The following FHOD3 variants were observed in gnomAD, a reference collection of about 807,000 sequenced individuals.
The protein encoded by FHOD3 is FH1/FH2 domain-containing protein 3.
FHOD3 carries 90 observed loss-of-function variants against 173.0 expected under a neutral mutation model. The ratio of observed to expected loss-of-function variants is 0.52; its 90% CI spans 0.44 to 0.62. The LOEUF is 0.62. Ranked by LOEUF, FHOD3 falls within the 20% of genes least tolerant of loss-of-function variation. FHOD3 has a pLI of 0.00. For synonymous variants in FHOD3, 828 were observed against 823.0 expected, an observed-to-expected ratio of 1.01 and a Z score of -0.10; for missense variants, 1,945 against 2,034.7, an observed-to-expected ratio of 0.96 and a Z score of 0.85.
chr18:36,749,761 G>T (rs893519642), intron 24 of FHOD3, among the ~76,000 whole-genome samples: 1 of 152,184 alleles, frequency 6.6e-6, no homozygotes, highest in Admixed American at 6.5e-5. Context: ...TCACCATACT[G>T]CTTTCCACAA....
In FHOD3 at chr18:36,709,135, GGAAGCA is replaced by G; in HGVS notation, c.2280_2285del (p.Glu762_Ala763del). ...CTGAACCCGAATCAGAGGCAGAACC[GGAAGCA>G]GAGGCAGGGGCGGGGCAGGTTGCTG... On this transcript the variant is annotated inframe_deletion, in exon 18 of 29. Coordinates refer to ENST00000590592, the MANE Select transcript of FHOD3 (RefSeq NM_001281740.3). 6.2e-7 allele frequency: 1 copy of G among 1,613,996 alleles called. No homozygotes were observed. Among genetic ancestry groups the G allele is most frequent in the Non-Finnish European group, 8.5e-7 (1 of 1,179,868 alleles).
chr18:36,750,028 G>A (rs1195039735), intron 24 of FHOD3, among the ~76,000 whole-genome samples: 2 of 151,958 alleles, frequency 1.3e-5, no homozygotes, highest in Non-Finnish European at 2.9e-5. Flanking sequence ...GGTGGCTCAC[G>A]CCTGTAATCC....
chr18:36,717,768 G>C, intron 18 of FHOD3, 64 bp from the exon 19 acceptor site: 1 of 1,507,662 alleles, frequency 6.6e-7, no homozygotes, highest in Non-Finnish European at 8.9e-7. Flanking sequence ...TATTCTCATC[G>C]ATTCTCTCAT....
intron 3 of FHOD3, among the ~76,000 whole-genome samples, chr18:36,476,543 C>T (rs2053586052): frequency 6.6e-6 from 1 of 152,116 alleles, no homozygotes; most frequent in South Asian, 2.1e-4. Context: ...GTCTTTTGGC[C>T]CCCCATAGTC....
chr18:36,639,549 C>T (rs562709608), intron 10 of FHOD3, among the ~76,000 whole-genome samples: 2 of 151,464 alleles, frequency 1.3e-5, no homozygotes, highest in African/African-American at 2.4e-5. Context: ...TGTAGTCCCA[C>T]CTACTCGGGA....
At chr18:36,636,995 A>G (rs2034938177) in intron 10 of FHOD3, among the ~76,000 whole-genome samples, 1 of 152,040 alleles carries the variant, frequency 6.6e-6, no homozygotes, top group Admixed American at 6.5e-5. Flanking sequence ...GGAAAAAACA[A>G]CTATGAAGTA....
chr18:36,341,420 G>A (rs2045612493), intron 1 of FHOD3, among the ~76,000 whole-genome samples: 2 of 152,172 alleles, frequency 1.3e-5, no homozygotes. Flanking sequence ...CAGAAAAAAA[G>A]GAGACTCAGT....
chr18:36,761,987 C>T (rs1056575156), intron 27 of FHOD3, among the ~76,000 whole-genome samples: 1 of 151,894 alleles, frequency 6.6e-6, no homozygotes, highest in Non-Finnish European at 1.5e-5. Flanking sequence ...ATGAATATTG[C>T]GCCCACCAGA....
chr18:36,641,132 C>A (rs2035275993), intron 10 of FHOD3, among the ~76,000 whole-genome samples: 1 of 152,192 alleles, frequency 6.6e-6, no homozygotes, highest in Admixed American at 6.5e-5. Context: ...GGAACTGCAG[C>A]AGGCAGCAAA....
chr18:36,697,966 ACAG>A (rs1175969555), intron 17 of FHOD3, among the ~76,000 whole-genome samples: 1 of 152,144 alleles, frequency 6.6e-6, no homozygotes, highest in Non-Finnish European at 1.5e-5. Flanking sequence ...TCTAATCCAC[ACAG>A]CAGAAATCAG....
At chr18:36,468,341 T>A (rs1044463431) in intron 3 of FHOD3, among the ~76,000 whole-genome samples, 1 of 152,146 alleles carries the variant, frequency 6.6e-6, no homozygotes. Flanking sequence ...AATAGCCAGC[T>A]AGACGTGGTG....
intron 6 of FHOD3, among the ~76,000 whole-genome samples, chr18:36,578,001 T>G (rs2058717808): frequency 6.6e-6 from 1 of 152,132 alleles, no homozygotes; most frequent in African/African-American, 2.4e-5. Flanking sequence ...GGTGGCACGT[T>G]ATGGAGATCA....
rs1273772351 is a variant in FHOD3 at position 36,594,900 on chromosome 18, T to C, written c.718+2T>C. 1 of 1,602,158 alleles carries C rather than the reference T, an allele frequency of 6.2e-7. No homozygotes were observed. ...TCACTGCTGTTGACACGAAAAGAGGTGAGTAGTCCCTGCCCCCTTATGTCA... is the reference window on the plus strand; with the variant it reads ...TCACTGCTGTTGACACGAAAAGAGGCGAGTAGTCCCTGCCCCCTTATGTCA... On this transcript the variant is annotated splice_donor_variant, in intron 7 of 28. Coordinates refer to ENST00000590592, the MANE Select transcript of FHOD3 (RefSeq NM_001281740.3). LOFTEE classifies it high-confidence loss of function.
At chr18:36,700,430 T>A (rs2039516729) in intron 17 of FHOD3, among the ~76,000 whole-genome samples, 1 of 152,246 alleles carries the variant, frequency 6.6e-6, no homozygotes, top group Non-Finnish European at 1.5e-5. Context: ...AGGCTATCTC[T>A]CGTGGCCCAA....
intron 1 of FHOD3, among the ~76,000 whole-genome samples, chr18:36,303,591 G>A (rs2092012048): frequency 3.3e-5 from 5 of 152,252 alleles, no homozygotes; most frequent in South Asian, 2.1e-4. Flanking sequence ...AGATTAACAT[G>A]CTGAGGCCAA....
chr18:36,736,984 A>C (rs1455345319), intron 20 of FHOD3, among the ~76,000 whole-genome samples: 1 of 152,212 alleles, frequency 6.6e-6, no homozygotes, highest in Non-Finnish European at 1.5e-5. Context: ...TTAGAAAAAC[A>C]AATTAAAAAT....
chr18:36,487,569 A>C (rs2054255206), intron 3 of FHOD3, among the ~76,000 whole-genome samples: 1 of 152,206 alleles, frequency 6.6e-6, no homozygotes, highest in East Asian at 1.9e-4. Flanking sequence ...TACTCTGATT[A>C]GGTATTAGGC....
intron 26 of FHOD3, among the ~76,000 whole-genome samples, chr18:36,759,753 A>G (rs990812156): frequency 5.3e-5 from 8 of 151,802 alleles, no homozygotes; most frequent in African/African-American, 1.9e-4. Context: ...TAGATGCTAC[A>G]AGCCACAGAT....
chr18:36,585,847 A>G (rs921536770), intron 6 of FHOD3, among the ~76,000 whole-genome samples: 1 of 152,230 alleles, frequency 6.6e-6, no homozygotes, highest in African/African-American at 2.4e-5. Flanking sequence ...ATTTAGGGAA[A>G]TGCAGAAACA....
Sources: gnomAD v4.1 joint callset for allele counts (sites outside exome capture counted in the v4.1 genomes callset) on GRCh38, gnomAD v4.1.1 for gene constraint, MANE v1.5 for transcripts, NCBI Gene and HGNC (gene_info 2026-07-23, HGNC 2026-07-21) for gene names.